CSMD1: variants seen among roughly 807,000 people sequenced by gnomAD.
CSMD1 encodes the protein CUB and sushi domain-containing protein 1.
A neutral mutation model predicts 417.5 loss-of-function variants in CSMD1; 213 were observed. That is an observed-to-expected ratio of 0.51 (90% CI 0.46 to 0.57). CSMD1 has a LOEUF of 0.57. CSMD1 is among the 20% of genes least tolerant of loss of function. CSMD1 has a pLI of 0.00. For synonymous variants in CSMD1, 2,862 were observed against 1,736.8 expected, an observed-to-expected ratio of 1.65 and a Z score of -16.11; for missense variants, 6,923 against 4,529.7, an observed-to-expected ratio of 1.53 and a Z score of -15.17.
chr8:4,729,012 G>GGCGTTAGTATA (rs1230975445), intron 1 of CSMD1, among the ~76,000 whole-genome samples: 2 of 152,130 alleles, frequency 1.3e-5, no homozygotes, highest in East Asian at 3.9e-4. Flanking sequence ...AAATCTAGAA[G>GGCGTTAGTATA]GCGTTAGTAT....
chr8:3,181,101 T>C lies in CSMD1; in HGVS notation c.5725+9A>G. 6.3e-7 allele frequency: 1 copy of C among 1,583,282 alleles called. No homozygotes were observed. Among genetic ancestry groups the C allele is most frequent in the South Asian group, 1.1e-5 (1 of 90,142 alleles). On this transcript the variant is annotated intron_variant, in intron 37 of 69. Transcript: ENST00000635120. ...AGTGGAAGCTGTATACAGAAAGAGT[T>C]GACCTTACTTTTGTATTCCAGGTGG... is the stretch of plus-strand genomic sequence containing the variant.
At chr8:4,510,022 G>A (rs952405221) in intron 2 of CSMD1, among the ~76,000 whole-genome samples, 4 of 152,090 alleles carry the variant, frequency 2.6e-5, no homozygotes, top group African/African-American at 9.7e-5. Flanking sequence ...TGTTGTGGGA[G>A]GGACCCGGTG....
chr8:4,679,068 A>C (rs1015326210), intron 1 of CSMD1, among the ~76,000 whole-genome samples: 2 of 152,158 alleles, frequency 1.3e-5, no homozygotes, highest in Admixed American at 6.5e-5. Flanking sequence ...TCGTGACTCT[A>C]TTCCTCCCTC....
intron 5 of CSMD1, among the ~76,000 whole-genome samples, chr8:3,878,363 A>T (rs1805972299): frequency 6.6e-6 from 1 of 152,124 alleles, no homozygotes; most frequent in African/African-American, 2.4e-5. Flanking sequence ...TCTTTATTTG[A>T]TACACGAAGA....
chr8:4,563,826 A>G (rs1381735086), intron 2 of CSMD1, among the ~76,000 whole-genome samples: 1 of 152,130 alleles, frequency 6.6e-6, no homozygotes, highest in Non-Finnish European at 1.5e-5. Context: ...CAATGTTCCT[A>G]AGTATAAGAA....
chr8:3,052,487 G>T lies in CSMD1; in HGVS notation c.7635C>A (p.Asn2545Lys). Residue 2545 changes from asparagine to lysine, a missense_variant, in exon 50 of 70, where the codon AAC becomes AAA. By Grantham distance (94) the Asn-to-Lys change is moderately conservative. Transcript: ENST00000635120. ...AVCQEDGLWS[N>K]KGKPPTCKPV... ...GCTTACACGTGGGCGGCTTCCCCTT[G>T]TTACTCCACAACCCATCTTCTTGAC... 1 of 1,587,606 alleles carries T rather than the reference G, an allele frequency of 6.3e-7. No homozygotes were observed.
Position 3,215,609 on chromosome 8 carries a change from A to C in CSMD1, c.4673-918T>G, listed in dbSNP as rs191268185. Among the ~76,000 whole-genome samples, 167 of 152,340 alleles carry C rather than the reference A, an allele frequency of 1.1e-3. 2 individuals are homozygous for C. In the Middle Eastern group the frequency reaches 0.014, roughly 12 times the overall value. ...GCTGCATTAAGTATTTCTTCTTCCCAAGTAAAAATACAAAACCTTTTTTCT... is the reference window on the plus strand; with the variant it reads ...GCTGCATTAAGTATTTCTTCTTCCCCAGTAAAAATACAAAACCTTTTTTCT... On this transcript the variant is annotated intron_variant, in intron 29 of 69. Coordinates refer to ENST00000635120, the MANE Select transcript of CSMD1 (RefSeq NM_033225.6).
chr8:3,306,036 T>A (rs1299872745), intron 25 of CSMD1, among the ~76,000 whole-genome samples: 1 of 152,078 alleles, frequency 6.6e-6, no homozygotes, highest in Admixed American at 6.6e-5. Flanking sequence ...GATGTTTGCA[T>A]TCTAGATATG....
At chr8:3,344,202 G>C (rs1563292516) in intron 22 of CSMD1, among the ~76,000 whole-genome samples, 1 of 152,188 alleles carries the variant, frequency 6.6e-6, no homozygotes, top group Non-Finnish European at 1.5e-5. Flanking sequence ...ACATGGTGGG[G>C]AGCAGTGGGT....
intron 3 of CSMD1, among the ~76,000 whole-genome samples, chr8:4,274,608 T>C (rs1796370477): frequency 6.6e-6 from 1 of 152,188 alleles, no homozygotes; most frequent in Non-Finnish European, 1.5e-5. Context: ...GATTAATCTA[T>C]GAAATTTCTA....
At chr8:4,316,014 C>G (rs888990808) in intron 3 of CSMD1, among the ~76,000 whole-genome samples, 1 of 151,928 alleles carries the variant, frequency 6.6e-6, no homozygotes, top group Non-Finnish European at 1.5e-5. Context: ...TTTAAATATT[C>G]AGGCATTATT....
intron 3 of CSMD1, among the ~76,000 whole-genome samples, chr8:4,317,711 G>C (rs1799016080): frequency 6.6e-6 from 1 of 152,180 alleles, no homozygotes; most frequent in Admixed American, 6.5e-5. Flanking sequence ...ACATAAAAGA[G>C]AAGCGATAGC....
At chr8:4,081,802 G>T (rs1374123632) in intron 3 of CSMD1, among the ~76,000 whole-genome samples, 1 of 151,774 alleles carries the variant, frequency 6.6e-6, no homozygotes, top group South Asian at 2.1e-4. Context: ...AATACACAAT[G>T]GATCAAATAA....
At chr8:4,407,020 T>C (rs576492815) in intron 3 of CSMD1, among the ~76,000 whole-genome samples, 1 of 152,258 alleles carries the variant, frequency 6.6e-6, no homozygotes, top group African/African-American at 2.4e-5. Flanking sequence ...TAGCTACGGG[T>C]CCCCTGTCTT....
In CSMD1 at chr8:4,027,842, T is replaced by C. The variant is rs771722725; in HGVS notation, c.610+4063A>G. Among the ~76,000 whole-genome samples the C allele has an allele frequency of 7.3e-5, 11 of 151,458 alleles. No homozygotes were observed. In the South Asian group the frequency reaches 2.1e-3, roughly 29 times the overall value. On this transcript the variant is annotated intron_variant, in intron 4 of 69. Coordinates refer to ENST00000635120, the MANE Select transcript of CSMD1 (RefSeq NM_033225.6). ...TGAAGAGTATGACTTGAGATCTACA[T>C]GATCTATTAAAAATTAAATAAATAA...
At chr8:3,758,441 G>C (rs1797794120) in intron 5 of CSMD1, among the ~76,000 whole-genome samples, 1 of 152,154 alleles carries the variant, frequency 6.6e-6, no homozygotes, top group Admixed American at 6.5e-5. Context: ...TTGTTTGTTT[G>C]GGAAAGGGGG....
At chr8:3,343,810 G>A (rs182548599) in intron 22 of CSMD1, among the ~76,000 whole-genome samples, 1 of 151,950 alleles carries the variant, frequency 6.6e-6, no homozygotes, top group Non-Finnish European at 1.5e-5. Flanking sequence ...AAGTAAAAAG[G>A]ATTTATAATA....
chr8:3,840,737 G>A (rs11993640), intron 5 of CSMD1, among the ~76,000 whole-genome samples: 1 of 144,290 alleles, frequency 6.9e-6, no homozygotes, highest in African/African-American at 2.6e-5. Context: ...GCTCTGTCGT[G>A]TAGGCTGGAG....
At chr8:4,334,712 A>C (rs1204548075) in intron 3 of CSMD1, among the ~76,000 whole-genome samples, 1 of 152,136 alleles carries the variant, frequency 6.6e-6, no homozygotes, top group Non-Finnish European at 1.5e-5. Flanking sequence ...CATGAAAAAT[A>C]ATTTTTATTT....
Sources: gnomAD v4.1 joint callset for allele counts (sites outside exome capture counted in the v4.1 genomes callset) on GRCh38, gnomAD v4.1.1 for gene constraint, MANE v1.5 for transcripts, NCBI Gene and HGNC (gene_info 2026-07-23, HGNC 2026-07-21) for gene names.